The following TEX15 variants were observed in gnomAD, a reference collection of about 807,000 sequenced individuals.
TEX15 encodes testis expressed 15, meiosis and synapsis associated.
TEX15 carries 171 observed loss-of-function variants against 237.3 expected under a neutral mutation model. That is an observed-to-expected ratio of 0.72 (90% CI 0.64 to 0.82). The LOEUF (loss-of-function observed/expected upper bound fraction) is 0.82. TEX15 is among the 40% of genes least tolerant of loss of function. The pLI is 0.00. For synonymous variants in TEX15, 1,338 were observed against 1,269.8 expected (o/e 1.05, Z -1.14); for missense variants, 3,750 against 3,646.5 (o/e 1.03, Z -0.73).
At position 30,845,825 on chromosome 8, in the gene TEX15, A is replaced by T. The variant is rs188333324; in HGVS notation, c.4342T>A (p.Ser1448Thr). ...CTCCGTTTGTCATATTTTCTTTTTG[A>T]CGAAAAATGCTTAGTAGAATAATAT... ...RKYYSTKHFS[S>T]KRKYDKRRKK... The change falls in exon 8 of 11, where the codon TCA becomes ACA. Residue 1448 changes from serine (S) to threonine (T), a missense_variant. Coordinates refer to ENST00000643185, the MANE Select transcript of TEX15 (RefSeq NM_001350162.2). 6.3e-5 allele frequency: 102 copies of T among 1,608,302 alleles called. No individual in the cohort carries two copies. In the East Asian group the frequency reaches 2.0e-3, roughly 32 times the overall value.
chr8:30,897,453 T>C (rs1808928292), intron 2 of TEX15, among the ~76,000 whole-genome samples: 1 of 152,208 alleles, frequency 6.6e-6, no homozygotes, highest in Non-Finnish European at 1.5e-5. Flanking sequence ...AGAACATTTA[T>C]TTGCCTAGAG....
intron 7 of TEX15, among the ~76,000 whole-genome samples, chr8:30,854,533 T>C (rs1305788430): frequency 2.0e-5 from 3 of 152,210 alleles, no homozygotes; most frequent in African/African-American, 7.2e-5. Flanking sequence ...CATCCCCAGA[T>C]GGCTTCCTTA....
rs1035751180 is a variant in TEX15, at chr8:30,858,911, A to G, written c.688-81T>C. The G allele has an allele frequency of 8.2e-6, 8 of 969,724 alleles. No homozygotes were observed. The Admixed American group carries it at 1.3e-4, about 16-fold the overall frequency. 60.1% of individuals were successfully genotyped at this position (969,724 alleles called of 1,614,324 possible). On this transcript the variant is annotated intron_variant, in intron 6 of 10. Transcript: ENST00000643185. The stretch of plus-strand genomic sequence containing the variant: ...GCTCATATTTTTAAAAAATCAATAT[A>G]ATTGCATATTATTTATATACTTCCA...
chr8:30,912,985 C>G lies in TEX15; in HGVS notation c.-192G>C, dbSNP rs1054318503. 3.3e-5 allele frequency: 5 copies of G among 152,442 alleles called. No individual in the cohort carries two copies. Among genetic ancestry groups the G allele is most frequent in the Admixed American group, 1.3e-4 (2 of 15,290 alleles). The allele number at this position is 152,442 out of a possible 1,614,324, so 9.4% of individuals were successfully genotyped here. A position where few individuals can be genotyped will look rare whatever the true frequency, so the allele number is the denominator to read the frequency against. ...AAGCCTCAGGAACACAGCAGCACCC[C>G]CCAGCGAGGTGCGCACAGTGAGCAG... On this transcript the variant is annotated 5_prime_UTR_variant, in exon 1 of 11. Coordinates refer to ENST00000643185, the MANE Select transcript of TEX15 (RefSeq NM_001350162.2).
chr8:30,906,877 T>A (rs1048189397), intron 1 of TEX15, among the ~76,000 whole-genome samples: 1 of 152,190 alleles, frequency 6.6e-6, no homozygotes, highest in African/African-American at 2.4e-5. Flanking sequence ...AGCATGGGCT[T>A]GAAAGACACA....
Position 30,845,703 on chromosome 8 carries a change from A to T in TEX15, c.4464T>A (p.Ser1488=). 1 of 1,613,578 alleles carries T rather than the reference A, an allele frequency of 6.2e-7. No homozygotes were observed. The highest frequency in any genetic ancestry group is 8.5e-7 in the Non-Finnish European group (1 of 1,179,584). ...YKTSGEKKCL[S]RKSMASSVSK... is the part of the protein sequence containing the mutation. ...AGACACTGCTAGCCATACTTTTCCT[A>T]GAAAGGCATTTTTTCTCTCCACTTG... The change falls in exon 8 of 11, where the codon TCT becomes TCA. Residue 1488 remains serine (S), a synonymous_variant. Coordinates refer to ENST00000643185, the MANE Select transcript of TEX15 (RefSeq NM_001350162.2).
chr8:30,872,740 T>C (rs879121254), intron 4 of TEX15, among the ~76,000 whole-genome samples: 2 of 151,794 alleles, frequency 1.3e-5, no homozygotes, highest in Non-Finnish European at 2.9e-5. Context: ...AAATAAAGAG[T>C]TCTAAAAGTT....
chr8:30,861,250 TAGAA>T (rs1554496379), intron 5 of TEX15, among the ~76,000 whole-genome samples: 3 of 152,172 alleles, frequency 2.0e-5, no homozygotes, highest in Non-Finnish European at 4.4e-5. Context: ...GAAAATACTG[TAGAA>T]AGAAACATAG....
chr8:30,870,399 C>G lies in TEX15; in HGVS notation c.303-2897G>C, dbSNP rs190017512. Among the ~76,000 whole-genome samples, 17 of 152,002 alleles carry G rather than the reference C, an allele frequency of 1.1e-4. No homozygotes were observed. In the East Asian group the frequency reaches 1.4e-3, roughly 12 times the overall value. On this transcript the variant is annotated intron_variant, in intron 4 of 10. Coordinates refer to ENST00000643185, the MANE Select transcript of TEX15 (RefSeq NM_001350162.2). ...TCATTTAAAATAGGTTCCAAGACAA[C>G]CTACATATAGTAGGTAATTTTTTGT...
At chr8:30,849,558 A>T (rs2128768590) in intron 7 of TEX15, among the ~76,000 whole-genome samples, 1 of 152,328 alleles carries the variant, frequency 6.6e-6, no homozygotes. Context: ...TATTTGCCAT[A>T]AAAGTTTAAT....
chr8:30,884,863 T>G (rs1808611381), intron 3 of TEX15, among the ~76,000 whole-genome samples: 1 of 152,174 alleles, frequency 6.6e-6, no homozygotes, highest in South Asian at 2.1e-4. Flanking sequence ...TTTCTTCTGC[T>G]TATTTTGGAT....
intron 1 of TEX15, among the ~76,000 whole-genome samples, chr8:30,901,777 A>T (rs1397639088): frequency 6.6e-6 from 1 of 152,220 alleles, no homozygotes; most frequent in Non-Finnish European, 1.5e-5. Flanking sequence ...TCAAAGTCTG[A>T]AAAAAGTCTT....
intron 1 of TEX15, among the ~76,000 whole-genome samples, chr8:30,899,614 C>T (rs182309637): frequency 1.9e-4 from 29 of 152,234 alleles, no homozygotes; most frequent in African/African-American, 6.7e-4. Context: ...CCGTGCCCGG[C>T]TAATTTTTGT....
intron 4 of TEX15, among the ~76,000 whole-genome samples, chr8:30,869,694 G>C (rs184734230): frequency 1.3e-5 from 2 of 152,112 alleles, no homozygotes; most frequent in East Asian, 3.9e-4. Flanking sequence ...CTAGCTTGGG[G>C]AGACAGATTT....
intron 7 of TEX15, among the ~76,000 whole-genome samples, chr8:30,853,616 C>T (rs1807837734): frequency 6.6e-6 from 1 of 151,960 alleles, no homozygotes; most frequent in Non-Finnish European, 1.5e-5. Context: ...CAAATATTGA[C>T]CCAGTCTGTG....
chr8:30,912,901 G>C lies in TEX15; in HGVS notation c.-108C>G, dbSNP rs1025283307. The C allele has an allele frequency of 1.3e-5, 2 of 152,304 alleles. No homozygotes were observed. Among genetic ancestry groups the C allele is most frequent in the Non-Finnish European group, 2.9e-5 (2 of 68,144 alleles). 9.4% of individuals were successfully genotyped at this position (152,304 alleles called of 1,614,324 possible). On this transcript the variant is annotated 5_prime_UTR_variant, in exon 1 of 11. Transcript: ENST00000643185. ...AACCTTGAGCTGTCTTCTTTGCTCA[G>C]TCAGTTCCTCAGACTCAATCTTAGC...
intron 10 of TEX15, among the ~76,000 whole-genome samples, chr8:30,835,007 C>T (rs1807260040): frequency 6.6e-6 from 1 of 152,186 alleles, no homozygotes; most frequent in African/African-American, 2.4e-5. Flanking sequence ...TGATGCCTCA[C>T]ACCTGTAATC....
At position 30,843,311 on chromosome 8, in the gene TEX15, A is replaced by C. The variant is rs781526315; in HGVS notation, c.6856T>G (p.Ser2286Ala). 1.4e-5 allele frequency: 23 copies of C among 1,611,380 alleles called. No individual in the cohort carries two copies. The highest frequency in any genetic ancestry group is 2.0e-5 in the Non-Finnish European group (23 of 1,179,188). Residue 2286 changes from serine to alanine, a missense_variant, in exon 8 of 11, where the codon TCC becomes GCC. Coordinates refer to ENST00000643185, the MANE Select transcript of TEX15 (RefSeq NM_001350162.2). ...TTTTGTGAGTATTTTTTGCTGAAGG[A>C]TTGTGTTCTCTCTTTCCAAACAAGA... Reference protein sequence around the residue: ...KNLVWKERTQSFSKKYSQKKD... With the variant: ...KNLVWKERTQAFSKKYSQKKD...
chr8:30,890,561 A>G (rs565099663), intron 2 of TEX15: 1 of 152,258 alleles, frequency 6.6e-6, no homozygotes, highest in Admixed American at 6.5e-5. Flanking sequence ...ATGATTATCC[A>G]CATCAGTCAT....
Sources: gnomAD v4.1 joint callset for allele counts (sites outside exome capture counted in the v4.1 genomes callset) on GRCh38, gnomAD v4.1.1 for gene constraint, MANE v1.5 for transcripts, NCBI Gene and HGNC (gene_info 2026-07-23, HGNC 2026-07-21) for gene names.